The following PEBP4 variants were observed in gnomAD, a reference collection of about 807,000 sequenced individuals.
The protein encoded by PEBP4 is phosphatidylethanolamine-binding protein 4.
PEBP4 carries 22 observed loss-of-function variants against 23.9 expected under a neutral mutation model. That is an observed-to-expected ratio of 0.92 (90% CI 0.66 to 1.31). PEBP4 has a LOEUF of 1.31. Among genes scored for constraint, PEBP4 ranks in the 40% most tolerant of loss-of-function variants. PEBP4 has a pLI of 0.00. For missense variants in PEBP4, 324 were observed against 281.7 expected (o/e 1.15, Z -1.07); for synonymous variants, 112 against 99.3 (o/e 1.13, Z -0.76).
intron 3 of PEBP4, among the ~76,000 whole-genome samples, chr8:22,871,954 A>G (rs1172875118): frequency 6.6e-6 from 1 of 152,070 alleles, no homozygotes; most frequent in Non-Finnish European, 1.5e-5. Flanking sequence ...CAAGTCCCCA[A>G]AATCCATTAT....
intron 4 of PEBP4, among the ~76,000 whole-genome samples, chr8:22,748,441 G>A (rs991984434): frequency 6.6e-6 from 1 of 151,836 alleles, no homozygotes; most frequent in Non-Finnish European, 1.5e-5. Context: ...AGTTGCATCA[G>A]AGCGAAACTG....
chr8:22,747,133 T>C, intron 4 of PEBP4, among the ~76,000 whole-genome samples: 1 of 152,242 alleles, frequency 6.6e-6, no homozygotes, highest in East Asian at 1.9e-4. Context: ...CTGGAATTAT[T>C]TATTAATTTT....
chr8:22,807,899 C>T (rs1201101130), intron 4 of PEBP4, among the ~76,000 whole-genome samples: 1 of 150,200 alleles, frequency 6.7e-6, no homozygotes, highest in African/African-American at 2.5e-5. Context: ...ATCCATCCAC[C>T]CACCCAACCT....
In PEBP4 at chr8:22,729,054, G is replaced by A. The variant is rs192406808; in HGVS notation, c.358-1834C>T. ...TCTCAGCACAGTCCCCCAACTCCCC[G>A]CATTTTGGGCCTGGCTTTATCCAGG... is the stretch of plus-strand genomic sequence containing the variant. On this transcript the variant is annotated intron_variant, in intron 4 of 6. Transcript: ENST00000256404. Among the ~76,000 whole-genome samples the A allele has an allele frequency of 3.9e-5, 6 of 152,266 alleles. No individual in the cohort carries two copies. The East Asian group carries it at 9.7e-4, about 25-fold the overall frequency.
At chr8:22,925,174 A>T in intron 2 of PEBP4, 8 of 985,422 alleles carry the variant, frequency 8.1e-6, no homozygotes, top group Non-Finnish European at 8.4e-6. Flanking sequence ...AGTGACAATA[A>T]AGACAAAGCT....
Position 22,927,650 on chromosome 8 carries a change from CCA to C in PEBP4, c.63_64del (p.Gly22ArgfsTer4), listed in dbSNP as rs1563264886. 2 of 1,613,874 alleles carry C rather than the reference CCA, an allele frequency of 1.2e-6. No homozygotes were observed. The highest frequency in any genetic ancestry group is 1.7e-6 in the Non-Finnish European group (2 of 1,179,898). On this transcript the variant is annotated frameshift_variant, in exon 2 of 7. Coordinates refer to ENST00000256404, the MANE Select transcript of PEBP4 (RefSeq NM_144962.3). LOFTEE classifies it high-confidence loss of function. ...ACACGGGCTGTTCTCATCCTCGTCT[CCA>C]GTGACCACCATCATGAGACCCAGTA...
At chr8:22,885,058 TAAG>T (rs1408752955) in intron 3 of PEBP4, 4 of 152,136 alleles carry the variant, frequency 2.6e-5, no homozygotes, top group African/African-American at 9.7e-5. Flanking sequence ...TTGTTGGCAG[TAAG>T]AAGAGAAGCT....
At chr8:22,869,066 C>T (rs888106110) in intron 3 of PEBP4, among the ~76,000 whole-genome samples, 2 of 152,204 alleles carry the variant, frequency 1.3e-5, no homozygotes, top group African/African-American at 2.4e-5. Flanking sequence ...CCTTGCAGTT[C>T]CTTAAACACA....
Position 22,834,963 on chromosome 8 carries a change from T to C in PEBP4, c.259-17228A>G, listed in dbSNP as rs1004017561. 2.6e-5 allele frequency among the ~76,000 whole-genome samples: 4 copies of C among 152,310 alleles called. No individual in the cohort carries two copies. In the East Asian group the frequency reaches 7.7e-4, roughly 29 times the overall value. Reference sequence around the variant, plus strand: ...AAACCAACCCCTTAGTCTCCTATGATAGGGATTTTTCTCCCTTGTCCCCAA... The same window carrying C: ...AAACCAACCCCTTAGTCTCCTATGACAGGGATTTTTCTCCCTTGTCCCCAA... On this transcript the variant is annotated intron_variant, in intron 3 of 6. Transcript: ENST00000256404.
chr8:22,785,252 C>T (rs1186318909), intron 4 of PEBP4, among the ~76,000 whole-genome samples: 1 of 152,174 alleles, frequency 6.6e-6, no homozygotes, highest in Non-Finnish European at 1.5e-5. Context: ...AGGAAAAAAG[C>T]CGTTGGCCCT....
Position 22,785,594 on chromosome 8 carries a change from A to G in PEBP4, c.357+32043T>C, listed in dbSNP as rs1806011715. On this transcript the variant is annotated intron_variant, in intron 4 of 6. Transcript: ENST00000256404. ...GAGGAGGATTGAGACACAAGCCCAG[A>G]GAGGGAGGCAGGGGTGATCCAGGGT... Among the ~76,000 whole-genome samples, 3 of 152,194 alleles carry G rather than the reference A, an allele frequency of 2.0e-5. No individual in the cohort carries two copies. In the South Asian group the frequency reaches 6.2e-4, roughly 31 times the overall value.
intron 4 of PEBP4, among the ~76,000 whole-genome samples, chr8:22,729,179 C>T (rs1804682102): frequency 6.6e-6 from 1 of 152,216 alleles, no homozygotes; most frequent in African/African-American, 2.4e-5. Flanking sequence ...CCATCTCTTC[C>T]AGGAGAGGAG....
chr8:22,796,962 A>C (rs980578606), intron 4 of PEBP4, among the ~76,000 whole-genome samples: 3 of 152,134 alleles, frequency 2.0e-5, no homozygotes, highest in African/African-American at 7.2e-5. Flanking sequence ...ATTAAAAAAA[A>C]AAAAACAAAT....
At chr8:22,756,644 C>A (rs1805388994) in intron 4 of PEBP4, among the ~76,000 whole-genome samples, 1 of 152,194 alleles carries the variant, frequency 6.6e-6, no homozygotes, top group Non-Finnish European at 1.5e-5. Context: ...ATGCCAGGAG[C>A]AGATTGTCCA....
chr8:22,915,023 C>T (rs544571313), intron 3 of PEBP4, among the ~76,000 whole-genome samples: 1 of 152,214 alleles, frequency 6.6e-6, no homozygotes, highest in South Asian at 2.1e-4. Flanking sequence ...TTGTTACCCA[C>T]TCGCCTGCTC....
At chr8:22,777,910 C>T (rs1260244004) in intron 4 of PEBP4, among the ~76,000 whole-genome samples, 1 of 152,194 alleles carries the variant, frequency 6.6e-6, no homozygotes, top group Non-Finnish European at 1.5e-5. Flanking sequence ...AGCTTGGCTC[C>T]TTCGTTACAG....
At chr8:22,884,242 C>T (rs937624736) in intron 3 of PEBP4, 1 of 152,138 alleles carries the variant, frequency 6.6e-6, no homozygotes, top group African/African-American at 2.4e-5. Flanking sequence ...GTTCTACCAC[C>T]TAGTTAGAAG....
At chr8:22,935,845 A>G (rs1453601237) in intron 1 of PEBP4, among the ~76,000 whole-genome samples, 13 of 152,180 alleles carry the variant, frequency 8.5e-5, no homozygotes, top group Non-Finnish European at 5.9e-5. Context: ...TCTTGTCCCA[A>G]GTGTTTTCGA....
At chr8:22,894,225 T>A (rs1028185869) in intron 3 of PEBP4, among the ~76,000 whole-genome samples, 2 of 152,180 alleles carry the variant, frequency 1.3e-5, no homozygotes, top group African/African-American at 4.8e-5. Flanking sequence ...TAAGATGACT[T>A]CTTCTGCCAG....
Sources: gnomAD v4.1 joint callset for allele counts (sites outside exome capture counted in the v4.1 genomes callset) on GRCh38, gnomAD v4.1.1 for gene constraint, MANE v1.5 for transcripts, NCBI Gene and HGNC (gene_info 2026-07-23, HGNC 2026-07-21) for gene names.